The following TBC1D4 variants were observed in gnomAD, a reference collection of about 807,000 sequenced individuals.
TBC1D4 encodes TBC1 domain family member 4, also known as TBC (Tre-2, BUB2, CDC16) domain-containing protein.
Under a neutral mutation model 142.5 loss-of-function variants are expected in TBC1D4, and 121 were observed. That is an observed-to-expected ratio of 0.85 (90% CI 0.73 to 0.99). The LOEUF (loss-of-function observed/expected upper bound fraction) is 0.99. Ranked by LOEUF, TBC1D4 falls within the 50% of genes least tolerant of loss-of-function variation. TBC1D4 has a pLI of 0.00. For synonymous variants in TBC1D4, 630 were observed against 628.2 expected (o/e 1.00, Z -0.04); for missense variants, 1,475 against 1,606.6 (o/e 0.92, Z 1.40).
rs891843624 is a variant in TBC1D4 at position 75,474,857 on chromosome 13, G to A, written c.498+6413C>T. ...TCACCATGTTGGCCAGTCTGGTCTC[G>A]AACTCCTGACCTCAGGTGACCCGCC... is the stretch of plus-strand genomic sequence containing the variant. On this transcript the variant is annotated intron_variant, in intron 1 of 20. Transcript: ENST00000377636. 1.1e-4 allele frequency among the ~76,000 whole-genome samples: 16 copies of A among 151,948 alleles called. No individual in the cohort carries two copies. The South Asian group carries it at 1.2e-3, about 12-fold the overall frequency.
intron 19 of TBC1D4, among the ~76,000 whole-genome samples, chr13:75,291,501 C>A (rs1875303219): frequency 6.6e-6 from 1 of 152,172 alleles, no homozygotes; most frequent in Non-Finnish European, 1.5e-5. Context: ...TAGATGGTTC[C>A]TTCATTTGAA....
At chr13:75,462,274 C>T (rs974810573) in intron 1 of TBC1D4, among the ~76,000 whole-genome samples, 3 of 152,094 alleles carry the variant, frequency 2.0e-5, no homozygotes, top group Admixed American at 6.5e-5. Flanking sequence ...CAAATGTGTC[C>T]GAGGTGTCCA....
rs1880267425 is a variant in TBC1D4, at chr13:75,336,917, T to C, written c.1731+4A>G. ...TACTTGAAAGACCATTGGTGCAATC[T>C]TACCCTTGAGAAGATATTTTCCAGG... On this transcript the variant is annotated splice_donor_region_variant and intron_variant, in intron 8 of 20. Coordinates refer to ENST00000377636, the MANE Select transcript of TBC1D4 (RefSeq NM_014832.5). The C allele has an allele frequency of 6.2e-7, 1 of 1,613,670 alleles. No individual in the cohort carries two copies. Among genetic ancestry groups the C allele is most frequent in the East Asian group, 2.2e-5 (1 of 44,758 alleles).
chr13:75,412,269 G>A (rs74096274), intron 1 of TBC1D4, among the ~76,000 whole-genome samples: 4,959 of 152,008 alleles, frequency 0.033, 279 homozygotes, highest in African/African-American at 0.11. Context: ...CCTAAAAGAC[G>A]TGGGGTTTTT....
chr13:75,468,398 T>C (rs923426672), intron 1 of TBC1D4, among the ~76,000 whole-genome samples: 5 of 152,180 alleles, frequency 3.3e-5, no homozygotes, highest in African/African-American at 1.2e-4. Flanking sequence ...AATCCAATTA[T>C]TGCATGGATA....
intron 1 of TBC1D4, among the ~76,000 whole-genome samples, chr13:75,467,128 T>C (rs1455958242): frequency 6.6e-6 from 1 of 152,156 alleles, no homozygotes; most frequent in Non-Finnish European, 1.5e-5. Flanking sequence ...AAATCAATGC[T>C]AACAAGTAAC....
chr13:75,315,397 T>TAC (rs1555302436), intron 12 of TBC1D4, among the ~76,000 whole-genome samples: 11 of 103,714 alleles, frequency 1.1e-4, no homozygotes, highest in Non-Finnish European at 1.9e-4. Context: ...CATATATATA[T>TAC]ACACACATAT....
chr13:75,360,223 G>A (rs184996012), intron 2 of TBC1D4, among the ~76,000 whole-genome samples: 1 of 152,150 alleles, frequency 6.6e-6, no homozygotes, highest in African/African-American at 2.4e-5. Context: ...TCTTCTAAAT[G>A]GTCAGCAAAA....
chr13:75,403,345 T>C lies in TBC1D4; in HGVS notation c.499-40738A>G, dbSNP rs191679906. Among the ~76,000 whole-genome samples the C allele has an allele frequency of 1.5e-3, 221 of 152,344 alleles. 2 individuals are homozygous for C. Among genetic ancestry groups the C allele is most frequent in the African/African-American group, 5.1e-3 (211 of 41,582 alleles). ...AACAAAATCACTTGCTAACAACTAG[T>C]TTTTCATTATTACTAAACAAAATAT... On this transcript the variant is annotated intron_variant, in intron 1 of 20. Transcript: ENST00000377636.
intron 1 of TBC1D4, among the ~76,000 whole-genome samples, chr13:75,408,754 T>C (rs1445794003): frequency 6.6e-6 from 1 of 152,166 alleles, no homozygotes; most frequent in Non-Finnish European, 1.5e-5. Context: ...TCATTTTTAT[T>C]ATAGCTGTTC....
At chr13:75,449,189 G>A (rs1447534585) in intron 1 of TBC1D4, among the ~76,000 whole-genome samples, 2 of 151,840 alleles carry the variant, frequency 1.3e-5, no homozygotes, top group East Asian at 1.9e-4. Flanking sequence ...ACCCCCAGTG[G>A]ATGCCTAAAA....
chr13:75,468,136 A>G (rs1888245138), intron 1 of TBC1D4, among the ~76,000 whole-genome samples: 1 of 152,222 alleles, frequency 6.6e-6, no homozygotes. Context: ...GGTAATGAAC[A>G]AAGGAACAAC....
At chr13:75,291,702 G>A (rs1435961016) in intron 19 of TBC1D4, among the ~76,000 whole-genome samples, 1 of 152,164 alleles carries the variant, frequency 6.6e-6, no homozygotes, top group African/African-American at 2.4e-5. Flanking sequence ...TAAAAAGCCA[G>A]AAGTAGATGC....
chr13:75,355,154 G>A (rs1305685155), intron 4 of TBC1D4, among the ~76,000 whole-genome samples: 1 of 152,216 alleles, frequency 6.6e-6, no homozygotes, highest in Non-Finnish European at 1.5e-5. Flanking sequence ...GAGTCGGGCA[G>A]GGATAATTGT....
At chr13:75,368,548 CAG>C in intron 1 of TBC1D4, among the ~76,000 whole-genome samples, 1 of 152,314 alleles carries the variant, frequency 6.6e-6, no homozygotes, top group Admixed American at 6.5e-5. Context: ...GCCAAATTGT[CAG>C]AGAAACATTT....
intron 1 of TBC1D4, among the ~76,000 whole-genome samples, chr13:75,453,946 A>G (rs553551080): frequency 2.0e-5 from 3 of 152,316 alleles, no homozygotes; most frequent in East Asian, 3.9e-4. Context: ...CCAATAATAA[A>G]TGAAACAAAC....
At chr13:75,391,254 C>A (rs1884472612) in intron 1 of TBC1D4, among the ~76,000 whole-genome samples, 1 of 151,424 alleles carries the variant, frequency 6.6e-6, no homozygotes, top group African/African-American at 2.4e-5. Context: ...TAAAAGAATT[C>A]TTTTGACCCC....
At chr13:75,309,286 T>C (rs1877505555) in intron 14 of TBC1D4, among the ~76,000 whole-genome samples, 1 of 152,104 alleles carries the variant, frequency 6.6e-6, no homozygotes, top group African/African-American at 2.4e-5. Context: ...TTCCAAAGCA[T>C]TTGGTAATCA....
intron 1 of TBC1D4, among the ~76,000 whole-genome samples, chr13:75,451,669 G>A (rs1291678745): frequency 6.7e-6 from 1 of 149,142 alleles, no homozygotes; most frequent in East Asian, 1.9e-4. Flanking sequence ...AATAGAACAA[G>A]TTCCTATCTC....
Sources: gnomAD v4.1 joint callset for allele counts (sites outside exome capture counted in the v4.1 genomes callset) on GRCh38, gnomAD v4.1.1 for gene constraint, MANE v1.5 for transcripts, NCBI Gene and HGNC (gene_info 2026-07-23, HGNC 2026-07-21) for gene names.